The following SDK1 variants were observed in gnomAD, a reference collection of about 807,000 sequenced individuals.
SDK1 encodes the protein sidekick cell adhesion molecule 1, also known as protein sidekick-1.
SDK1 carries 157 observed loss-of-function variants against 245.5 expected under a neutral mutation model. The observed-to-expected ratio is 0.64, with a 90% confidence interval of 0.56 to 0.73. The LOEUF (loss-of-function observed/expected upper bound fraction) is 0.73, where lower values mean the gene tolerates loss of function less well. Ranked by LOEUF, SDK1 falls within the 30% of genes least tolerant of loss-of-function variation. The probability of loss-of-function intolerance (pLI) is 0.00; values close to 1 mark genes in which losing one functional copy is unlikely to be tolerated. For missense variants in SDK1, 3,583 were observed against 3,002.3 expected (o/e 1.19, Z -4.52); for synonymous variants, 1,647 against 1,278.5 (o/e 1.29, Z -6.15).
At chr7:4,008,189 G>T (rs1012725944) in intron 14 of SDK1, among the ~76,000 whole-genome samples, 8 of 152,150 alleles carry the variant, frequency 5.3e-5, no homozygotes, top group Admixed American at 2.0e-4. Context: ...TGTCCTCAAG[G>T]TTCATCCATG....
At chr7:3,324,759 AT>A (rs1428866732) in intron 1 of SDK1, among the ~76,000 whole-genome samples, 1 of 152,100 alleles carries the variant, frequency 6.6e-6, no homozygotes, top group East Asian at 1.9e-4. Context: ...TGGTTTTTAT[AT>A]TTTTATTTTT....
At chr7:3,385,686 C>T (rs550971090) in intron 1 of SDK1, among the ~76,000 whole-genome samples, 2 of 152,158 alleles carry the variant, frequency 1.3e-5, no homozygotes, top group African/African-American at 4.8e-5. Context: ...ATCTCTTTAT[C>T]CCTTTACCTA....
intron 22 of SDK1, among the ~76,000 whole-genome samples, chr7:4,098,789 G>A (rs552521414): frequency 5.4e-5 from 8 of 147,926 alleles, no homozygotes; most frequent in East Asian, 4.0e-4. Flanking sequence ...TCAGCCTCCC[G>A]AGTAGCTGGG....
rs958105698 is a variant in SDK1 at position 3,432,164 on chromosome 7, T to C, written c.298+130280T>C. Among the ~76,000 whole-genome samples, 21 of 145,234 alleles carry C rather than the reference T, an allele frequency of 1.4e-4. No individual in the cohort carries two copies. In the Admixed American group the frequency reaches 1.5e-3, roughly 10 times the overall value. ...TTTATATTTAAAAAATATATATTTT[T>C]ATATATATATATATCCCCATACCTG... On this transcript the variant is annotated intron_variant, in intron 1 of 44. Coordinates refer to ENST00000404826, the MANE Select transcript of SDK1 (RefSeq NM_152744.4).
chr7:3,487,770 A>AAAAAAAG (rs1562517243), intron 1 of SDK1, among the ~76,000 whole-genome samples: 1 of 151,366 alleles, frequency 6.6e-6, no homozygotes, highest in Non-Finnish European at 1.5e-5. Flanking sequence ...AAAAAAAAAA[A>AAAAAAAG]AAAAAAGAAA....
At chr7:3,343,225 G>C (rs1000279718) in intron 1 of SDK1, among the ~76,000 whole-genome samples, 1 of 151,890 alleles carries the variant, frequency 6.6e-6, no homozygotes, top group South Asian at 2.1e-4. Flanking sequence ...CCAATGCTTA[G>C]AGAAGCTTTA....
intron 31 of SDK1, among the ~76,000 whole-genome samples, chr7:4,158,939 T>G (rs1780941922): frequency 1.3e-5 from 2 of 152,224 alleles, no homozygotes; most frequent in African/African-American, 2.4e-5. Flanking sequence ...AAGCGAGGTC[T>G]CCTCAGAGCT....
At chr7:3,735,540 G>A (rs567516292) in intron 4 of SDK1, among the ~76,000 whole-genome samples, 1 of 152,266 alleles carries the variant, frequency 6.6e-6, no homozygotes, top group Admixed American at 6.5e-5. Context: ...GATGCATAGG[G>A]CACGGTGTGT....
chr7:4,031,018 C>T (rs1250497905), intron 17 of SDK1, among the ~76,000 whole-genome samples: 2 of 152,260 alleles, frequency 1.3e-5, no homozygotes, highest in Non-Finnish European at 2.9e-5. Flanking sequence ...TACACATTCA[C>T]ATACATGCGC....
Position 4,178,591 on chromosome 7 carries a change from G to A in SDK1, c.5098+5G>A, listed in dbSNP as rs1258181554. The stretch of plus-strand genomic sequence containing the variant: ...AGGTCTTTGTCGGCGAGGCTGGTAA[G>A]CTCCGTGCACCCCCAACCCCACTGC... On this transcript the variant is annotated splice_donor_5th_base_variant and intron_variant, in intron 35 of 44. Transcript: ENST00000404826. 3.7e-6 allele frequency: 6 copies of A among 1,603,566 alleles called. No homozygotes were observed. In the South Asian group the frequency reaches 5.5e-5, roughly 15 times the overall value.
intron 14 of SDK1, among the ~76,000 whole-genome samples, chr7:3,988,013 T>C (rs1327542982): frequency 6.6e-6 from 1 of 152,126 alleles, no homozygotes; most frequent in African/African-American, 2.4e-5. Context: ...ACTCGAACAT[T>C]TGTATCCTTC....
intron 1 of SDK1, among the ~76,000 whole-genome samples, chr7:3,512,848 G>C (rs781496312): frequency 9.9e-5 from 15 of 151,738 alleles, no homozygotes; most frequent in Non-Finnish European, 1.9e-4. Flanking sequence ...ATCTTTTTCT[G>C]TTTTGTTAAA....
intron 4 of SDK1, among the ~76,000 whole-genome samples, chr7:3,787,769 A>G (rs544993460): frequency 6.6e-6 from 1 of 152,194 alleles, no homozygotes; most frequent in Non-Finnish European, 1.5e-5. Flanking sequence ...GCAGAAGTGT[A>G]GCAAGTCAAC....
In SDK1 at chr7:4,265,485, T is replaced by A; in HGVS notation, c.*101T>A. The A allele has an allele frequency of 2.2e-6, 3 of 1,369,008 alleles. No homozygotes were observed. The highest frequency in any genetic ancestry group is 2.8e-6 in the Non-Finnish European group (3 of 1,069,304). The allele number at this position is 1,369,008 out of a possible 1,614,324, so 84.8% of individuals were successfully genotyped here. ...CAATAACTGAGCTGAAGTTTTTGTT[T>A]AAAAAGAAAAAAATCTGATAAGTGA... On this transcript the variant is annotated 3_prime_UTR_variant, in exon 45 of 45. Coordinates refer to ENST00000404826, the MANE Select transcript of SDK1 (RefSeq NM_152744.4).
At chr7:3,688,048 A>G (rs1784341471) in intron 4 of SDK1, among the ~76,000 whole-genome samples, 1 of 152,224 alleles carries the variant, frequency 6.6e-6, no homozygotes, top group Non-Finnish European at 1.5e-5. Flanking sequence ...TACTCTGGAA[A>G]GGATTTTTAA....
intron 1 of SDK1, among the ~76,000 whole-genome samples, chr7:3,325,907 TC>T (rs11312480): frequency 0.21 from 32,638 of 151,818 alleles, 3,745 homozygotes; most frequent in African/African-American, 0.31. Flanking sequence ...TCAAACATCC[TC>T]CCCTTTGAGA....
intron 1 of SDK1, among the ~76,000 whole-genome samples, chr7:3,472,474 G>A (rs1322980380): frequency 6.6e-6 from 1 of 152,084 alleles, no homozygotes; most frequent in Non-Finnish European, 1.5e-5. Flanking sequence ...AACAATACAT[G>A]GTGAAGATAA....
At chr7:3,400,221 G>T (rs1485725148) in intron 1 of SDK1, among the ~76,000 whole-genome samples, 1 of 152,126 alleles carries the variant, frequency 6.6e-6, no homozygotes, top group African/African-American at 2.4e-5. Context: ...AGTAGACCAA[G>T]TTAAAATGCC....
intron 1 of SDK1, among the ~76,000 whole-genome samples, chr7:3,584,104 G>A (rs186008443): frequency 6.6e-6 from 1 of 152,272 alleles, no homozygotes; most frequent in Admixed American, 6.5e-5. Flanking sequence ...TTTTCCCTTA[G>A]TATGTTTTTG....
Sources: gnomAD v4.1 joint callset for allele counts (sites outside exome capture counted in the v4.1 genomes callset) on GRCh38, gnomAD v4.1.1 for gene constraint, MANE v1.5 for transcripts, NCBI Gene and HGNC (gene_info 2026-07-23, HGNC 2026-07-21) for gene names.